The following PTCHD4 variants were observed in gnomAD, a reference collection of about 807,000 sequenced individuals.
The protein encoded by PTCHD4 is patched domain containing 4.
In PTCHD4, 33 loss-of-function variants were observed where a neutral mutation model predicts 58.1. The observed-to-expected ratio is 0.57, with a 90% confidence interval of 0.43 to 0.76. The LOEUF (loss-of-function observed/expected upper bound fraction) is 0.76. Ranked by LOEUF, PTCHD4 falls within the 30% of genes least tolerant of loss-of-function variation. The probability of loss-of-function intolerance (pLI) is 0.00; values close to 1 mark genes in which losing one functional copy is unlikely to be tolerated. For missense variants in PTCHD4, 1,058 were observed against 1,027.1 expected (o/e 1.03, Z -0.41); for synonymous variants, 478 against 409.6 (o/e 1.17, Z -2.02).
At chr6:47,997,982 G>T (rs1768568573) in intron 4 of PTCHD4, among the ~76,000 whole-genome samples, 2 of 152,074 alleles carry the variant, frequency 1.3e-5, no homozygotes, top group Middle Eastern at 3.4e-3. Context: ...TTTTTCTTCA[G>T]AAAAACAATG....
intron 4 of PTCHD4, among the ~76,000 whole-genome samples, chr6:47,982,468 G>C (rs1767912950): frequency 7.0e-6 from 1 of 142,164 alleles, no homozygotes; most frequent in Admixed American, 7.2e-5. Flanking sequence ...ACACTAGTCT[G>C]TTTTATCTCT....
At chr6:47,912,848 A>G (rs936285766) in intron 4 of PTCHD4, among the ~76,000 whole-genome samples, 2 of 152,128 alleles carry the variant, frequency 1.3e-5, no homozygotes, top group African/African-American at 4.8e-5. Context: ...TTCAGTGGAA[A>G]TGCTGAGCAA....
At chr6:48,032,537 A>G (rs1432046570) in intron 3 of PTCHD4, among the ~76,000 whole-genome samples, 1 of 152,094 alleles carries the variant, frequency 6.6e-6, no homozygotes. Context: ...ACAGAAGCGA[A>G]ATTAAGTAAT....
chr6:48,012,906 C>T (rs571078637), intron 3 of PTCHD4, among the ~76,000 whole-genome samples: 13 of 152,308 alleles, frequency 8.5e-5, no homozygotes, highest in Admixed American at 8.5e-4. Flanking sequence ...ACTAGCCTTG[C>T]ATCCCAGGGA....
At chr6:48,016,579 C>T (rs764711004) in intron 3 of PTCHD4, among the ~76,000 whole-genome samples, 7 of 151,912 alleles carry the variant, frequency 4.6e-5, no homozygotes, top group Middle Eastern at 6.8e-3. Flanking sequence ...TGCTATCTCA[C>T]GGCCATAAAT....
intron 3 of PTCHD4, among the ~76,000 whole-genome samples, chr6:48,013,498 A>G (rs925804190): frequency 2.0e-5 from 3 of 151,718 alleles, no homozygotes; most frequent in African/African-American, 7.3e-5. Context: ...TCTTGATTAA[A>G]TCTCATGGGA....
At chr6:48,102,124 T>C (rs1055600618) in intron 1 of PTCHD4, among the ~76,000 whole-genome samples, 4 of 152,188 alleles carry the variant, frequency 2.6e-5, no homozygotes, top group African/African-American at 7.2e-5. Context: ...TCCTAGTCAT[T>C]ACCTCAAATC....
At chr6:48,078,927 G>A (rs1249051040) in intron 1 of PTCHD4, among the ~76,000 whole-genome samples, 1 of 152,012 alleles carries the variant, frequency 6.6e-6, no homozygotes, top group Non-Finnish European at 1.5e-5. Context: ...GACCATCGTG[G>A]CTAACACGGT....
chr6:47,904,061 A>G (rs1346306509), intron 4 of PTCHD4, among the ~76,000 whole-genome samples: 1 of 152,174 alleles, frequency 6.6e-6, no homozygotes, highest in Non-Finnish European at 1.5e-5. Context: ...GGGTGGCTGG[A>G]GTGGACTGAA....
At chr6:47,891,947 C>T (rs1195170085) in intron 4 of PTCHD4, among the ~76,000 whole-genome samples, 1 of 152,136 alleles carries the variant, frequency 6.6e-6, no homozygotes, top group African/African-American at 2.4e-5. Context: ...ATAACAGGAA[C>T]ATTGGGTGAG....
In PTCHD4 at chr6:48,068,720, C is replaced by G; in HGVS notation, c.6-79G>C. The G allele has an allele frequency of 7.2e-7, 1 of 1,386,754 alleles. No individual in the cohort carries two copies. The highest frequency in any genetic ancestry group is 9.6e-7 in the Non-Finnish European group (1 of 1,044,484). The allele number at this position is 1,386,754 out of a possible 1,614,324, so 85.9% of individuals were successfully genotyped here. A position where few individuals can be genotyped will look rare whatever the true frequency, so the allele number is the denominator to read the frequency against. Reference sequence around the variant, plus strand: ...TCCCACCCCCTGGGGCCAGTCCCCCCTCCCCACCGCCGCCGCCTCCCCACC... The same window carrying G: ...TCCCACCCCCTGGGGCCAGTCCCCCGTCCCCACCGCCGCCGCCTCCCCACC... On this transcript the variant is annotated intron_variant, in intron 2 of 4. Coordinates refer to ENST00000339488, the MANE Select transcript of PTCHD4 (RefSeq NM_001384253.1). This position sits in a 1 kb window ranked among gnomAD's most constrained non-coding sequence, Gnocchi z 4.2.
At position 47,864,728 on chromosome 6, in the gene PTCHD4, T is replaced by TC. The variant is rs1763512683; in HGVS notation, c.*13574dup. Among the ~76,000 whole-genome samples, 2 of 151,958 alleles carry TC rather than the reference T, an allele frequency of 1.3e-5. No individual in the cohort carries two copies. The highest frequency in any genetic ancestry group is 2.9e-5 in the Non-Finnish European group (2 of 67,906). ...AGTTCATATGGATTATTTTCACAGGTCATTTTAATGCTAATGTTAAAACCA... is the reference window on the plus strand; with the variant it reads ...AGTTCATATGGATTATTTTCACAGGTCCATTTTAATGCTAATGTTAAAACCA... On this transcript the variant is annotated 3_prime_UTR_variant, in exon 5 of 5. Coordinates refer to ENST00000339488, the MANE Select transcript of PTCHD4 (RefSeq NM_001384253.1).
In PTCHD4 at chr6:47,865,325, A is replaced by G. The variant is rs1439527328; in HGVS notation, c.*12978T>C. 6.6e-6 allele frequency among the ~76,000 whole-genome samples: 1 copy of G among 151,938 alleles called. No individual in the cohort carries two copies. Among genetic ancestry groups the G allele is most frequent in the Non-Finnish European group, 1.5e-5 (1 of 67,920 alleles). ...AATATAAACCATTTTTCCCCAAGTT[A>G]GATATGCAGAAAACCAAATCAACTG... On this transcript the variant is annotated 3_prime_UTR_variant, in exon 5 of 5. Coordinates refer to ENST00000339488, the MANE Select transcript of PTCHD4 (RefSeq NM_001384253.1).
chr6:48,104,254 C>T (rs1219826982), intron 1 of PTCHD4, among the ~76,000 whole-genome samples: 16 of 152,280 alleles, frequency 1.1e-4, no homozygotes, highest in East Asian at 3.9e-4. Flanking sequence ...GCTGATCTCT[C>T]GGCAGAAACT....
intron 4 of PTCHD4, among the ~76,000 whole-genome samples, chr6:47,927,369 T>G (rs1253945099): frequency 6.6e-6 from 1 of 152,200 alleles, no homozygotes; most frequent in Non-Finnish European, 1.5e-5. Context: ...TGCAAGATGC[T>G]GAAATAGGCA....
At chr6:48,008,189 CT>C (rs1319052166) in intron 4 of PTCHD4, among the ~76,000 whole-genome samples, 1 of 152,152 alleles carries the variant, frequency 6.6e-6, no homozygotes, top group Non-Finnish European at 1.5e-5. Context: ...ACAAAGCTTA[CT>C]TAAGAAGTTC....
chr6:47,929,600 G>C (rs1291536046), intron 4 of PTCHD4, among the ~76,000 whole-genome samples: 1 of 152,172 alleles, frequency 6.6e-6, no homozygotes, highest in Non-Finnish European at 1.5e-5. Flanking sequence ...ACACTACAGT[G>C]CCATATATGT....
chr6:47,976,434 G>C (rs1208087541), intron 4 of PTCHD4, among the ~76,000 whole-genome samples: 1 of 152,026 alleles, frequency 6.6e-6, no homozygotes, highest in African/African-American at 2.4e-5. Flanking sequence ...GCAGGTGGAT[G>C]ATGAGGTCAG....
At chr6:48,026,917 A>ATTTT (rs58551881) in intron 3 of PTCHD4, among the ~76,000 whole-genome samples, 22 of 148,474 alleles carry the variant, frequency 1.5e-4, no homozygotes, top group African/African-American at 2.0e-4. Flanking sequence ...AATTTGTCCC[A>ATTTT]TTTTTTTTTT....
Sources: gnomAD v4.1 joint callset for allele counts (sites outside exome capture counted in the v4.1 genomes callset) on GRCh38, gnomAD v4.1.1 for gene constraint, Gnocchi (gnomAD v3.1) non-coding constraint, MANE v1.5 for transcripts, NCBI Gene and HGNC (gene_info 2026-07-23, HGNC 2026-07-21) for gene names.